The following AARSD1 variants were observed in gnomAD, a reference collection of about 807,000 sequenced individuals.
AARSD1 encodes alanyl-tRNA editing protein Aarsd1.
Under a neutral mutation model 48.7 loss-of-function variants are expected in AARSD1, and 44 were observed. The ratio of observed to expected loss-of-function variants is 0.90; its 90% CI spans 0.71 to 1.16. AARSD1 has a LOEUF of 1.16. Ranked by LOEUF, AARSD1 falls within the 50% of genes most tolerant of loss-of-function variation. The pLI, the probability that AARSD1 is intolerant of heterozygous loss-of-function variation, is 0.00. For synonymous variants in AARSD1, 189 were observed against 194.9 expected (o/e 0.97, Z 0.25); for missense variants, 511 against 523.1 (o/e 0.98, Z 0.23).
chr17:42,958,931 G>A (rs915804397), intron 3 of AARSD1, among the ~76,000 whole-genome samples: 2 of 150,166 alleles, frequency 1.3e-5, no homozygotes, highest in African/African-American at 2.4e-5. Flanking sequence ...AGGTGCGGTG[G>A]CTCAAGCCTG....
At chr17:42,961,437 C>T in intron 2 of AARSD1, 86 bp from the exon 3 acceptor site, 1 of 1,584,920 alleles carries the variant, frequency 6.3e-7, no homozygotes, top group Non-Finnish European at 8.5e-7. Flanking sequence ...GTGAGAGACC[C>T]AGAATCTGGG....
Position 42,958,923 on chromosome 17 carries a change from G to T in AARSD1, c.332-1728C>A, listed in dbSNP as rs959884744. ...TTTAACTTATATTTATTTATGCCAG[G>T]TGCGGTGGCTCAAGCCTGTAATCCC... On this transcript the variant is annotated intron_variant, in intron 3 of 11. Transcript: ENST00000427569. Among the ~76,000 whole-genome samples, 9 of 150,708 alleles carry T rather than the reference G, an allele frequency of 6.0e-5. No homozygotes were observed. The East Asian group carries it at 1.9e-3, about 31-fold the overall frequency.
chr17:42,956,124 CCT>C (rs1269217263), intron 6 of AARSD1, 78 bp downstream of exon 6: 4 of 1,610,978 alleles, frequency 2.5e-6, no homozygotes, highest in African/African-American at 1.3e-5. Context: ...CGATTATCCC[CCT>C]CTCCCACTCC....
chr17:42,954,819 C>CTATATGCAATGT (rs1314317666), intron 9 of AARSD1, 57 bp downstream of exon 9: 43 of 1,585,156 alleles, frequency 2.7e-5, no homozygotes, highest in Non-Finnish European at 3.4e-5. Context: ...AGAGAAGACA[C>CTATATGCAATGT]TGAGCCCTAA....
chr17:42,956,415 C>T lies in AARSD1; in HGVS notation c.535G>A (p.Glu179Lys), dbSNP rs200113939. ...GGCTCTACCCTTACCTGCTCCACCT[C>T]AGGATCATCCAGGCTCAGTTCTCGG... is the stretch of plus-strand genomic sequence containing the variant. ...NVRELSLDDP[E>K]VEQVSGRGLP... The change falls in exon 5 of 12, where the codon GAG becomes AAG. Residue 179 changes from glutamate to lysine, a missense_variant. Coordinates refer to ENST00000427569, the MANE Select transcript of AARSD1 (RefSeq NM_001261434.2). 30 of 1,614,100 alleles carry T rather than the reference C, an allele frequency of 1.9e-5. No individual in the cohort carries two copies. Among genetic ancestry groups the T allele is most frequent in the Non-Finnish European group, 2.4e-5 (28 of 1,180,018 alleles).
chr17:42,962,773 T>A (rs1457280956), intron 2 of AARSD1, among the ~76,000 whole-genome samples: 1 of 152,212 alleles, frequency 6.6e-6, no homozygotes, highest in Non-Finnish European at 1.5e-5. Context: ...GGCTCACACC[T>A]GTAGGCCCAG....
In AARSD1 at chr17:42,951,885, G is replaced by A. The variant is rs760431093; in HGVS notation, c.1018C>T (p.Leu340=). Residue 340 remains leucine, a synonymous_variant, in exon 11 of 12, where the codon CTG becomes TTG. Transcript: ENST00000427569. ...TTCTCATCGCCCACAGTTAAGAACA[G>A]GAGGGTCTCCTAGGAGGTAAGACAA... is the stretch of plus-strand genomic sequence containing the variant. ...ANEIGSEETL[L]FLTVGDEKGG... 7.4e-6 allele frequency: 12 copies of A among 1,613,620 alleles called. No homozygotes were observed. The highest frequency in any genetic ancestry group is 1.0e-5 in the Non-Finnish European group (12 of 1,179,692).
At chr17:42,953,943 T>C in intron 9 of AARSD1, 165 bp from the exon 10 acceptor site, 1 of 782,794 alleles carries the variant, frequency 1.3e-6, no homozygotes, top group Non-Finnish European at 2.1e-6. Context: ...CAAGCTGCCC[T>C]TCTCAGCCTC....
At chr17:42,963,449 T>G (rs1191838104) in intron 2 of AARSD1, among the ~76,000 whole-genome samples, 1 of 151,698 alleles carries the variant, frequency 6.6e-6, no homozygotes, top group Non-Finnish European at 1.5e-5. Flanking sequence ...AGAAAAGCCT[T>G]TCTCATAATG....
At position 42,964,248 on chromosome 17, in the gene AARSD1, A is replaced by G. The variant is rs779156060; in HGVS notation, c.40-11T>C. 5.6e-6 allele frequency: 9 copies of G among 1,601,888 alleles called. No homozygotes were observed. Among genetic ancestry groups the G allele is most frequent in the Admixed American group, 5.2e-5 (3 of 57,774 alleles). The stretch of plus-strand genomic sequence containing the variant: ...CACGGTGGTGGTGAACTGAACAGAG[A>G]GGAATGAGAGAATAAGCCCCGACCC... On this transcript the variant is annotated splice_polypyrimidine_tract_variant and intron_variant, in intron 1 of 11. Coordinates refer to ENST00000427569, the MANE Select transcript of AARSD1 (RefSeq NM_001261434.2).
At chr17:42,955,778 G>C (rs972475001) in intron 7 of AARSD1, 64 bp downstream of exon 7, 1 of 1,605,754 alleles carries the variant, frequency 6.2e-7, no homozygotes, top group African/African-American at 1.3e-5. Flanking sequence ...ATCTCCCAGA[G>C]GTAAGAGATT....
At chr17:42,954,304 C>T (rs1226463968) in intron 9 of AARSD1, among the ~76,000 whole-genome samples, 1 of 151,810 alleles carries the variant, frequency 6.6e-6, no homozygotes, top group Admixed American at 6.6e-5. Context: ...TACACTGAGC[C>T]GAGATCATGC....
intron 10 of AARSD1, among the ~76,000 whole-genome samples, chr17:42,952,823 T>C (rs2049497470): frequency 6.6e-6 from 1 of 151,134 alleles, no homozygotes; most frequent in South Asian, 2.1e-4. Flanking sequence ...TATTTACTTT[T>C]TTTTTTTTTT....
In AARSD1 at chr17:42,964,247, G is replaced by C; in HGVS notation, c.40-10C>G. 2 of 1,603,184 alleles carry C rather than the reference G, an allele frequency of 1.2e-6. No individual in the cohort carries two copies. The highest frequency in any genetic ancestry group is 1.4e-5 in the African/African-American group (1 of 70,848). ...CCACGGTGGTGGTGAACTGAACAGA[G>C]AGGAATGAGAGAATAAGCCCCGACC... On this transcript the variant is annotated splice_polypyrimidine_tract_variant and intron_variant, in intron 1 of 11. Coordinates refer to ENST00000427569, the MANE Select transcript of AARSD1 (RefSeq NM_001261434.2).
At chr17:42,954,798 A>G (rs2049524270) in intron 9 of AARSD1, 78 bp downstream of exon 9, 1 of 1,460,492 alleles carries the variant, frequency 6.8e-7, no homozygotes, top group Admixed American at 1.7e-5. Flanking sequence ...CTCCCACTGT[A>G]CATTGCATAT....
At chr17:42,955,136 T>C (rs1162699049) in intron 8 of AARSD1, 22 bp downstream of exon 8, 3 of 1,614,026 alleles carry the variant, frequency 1.9e-6, no homozygotes, top group South Asian at 1.1e-5. Flanking sequence ...ATGCCCTCTC[T>C]ACCCTCCATG....
intron 3 of AARSD1, among the ~76,000 whole-genome samples, chr17:42,958,125 A>G (rs1597715889): frequency 6.6e-6 from 1 of 152,204 alleles, no homozygotes; most frequent in East Asian, 1.9e-4. Flanking sequence ...ATGCCATGGT[A>G]AAAAGTTTGG....
Position 42,959,073 on chromosome 17 carries a change from C to T in AARSD1, c.332-1878G>A, listed in dbSNP as rs1161748494. Among the ~76,000 whole-genome samples, 8 of 145,858 alleles carry T rather than the reference C, an allele frequency of 5.5e-5. No homozygotes were observed. In the East Asian group the frequency reaches 6.7e-4, roughly 12 times the overall value. On this transcript the variant is annotated intron_variant, in intron 3 of 11. Transcript: ENST00000427569. The stretch of plus-strand genomic sequence containing the variant: ...TTAGCCGGATGTGGTGGTGCGTGCC[C>T]GTAATCCCAGCTACTCAGGAGGCTG...
Position 42,951,622 on chromosome 17 carries a change from C to T in AARSD1, c.1103+178G>A, listed in dbSNP as rs540385598. ...CATGTGAGATGTGGAGCCAAAAGAC[C>T]TTCAACTGTCAAACTGGAAATGACA... On this transcript the variant is annotated intron_variant, in intron 11 of 11. Coordinates refer to ENST00000427569, the MANE Select transcript of AARSD1 (RefSeq NM_001261434.2). Among the ~76,000 whole-genome samples, 7 of 152,284 alleles carry T rather than the reference C, an allele frequency of 4.6e-5. No individual in the cohort carries two copies. The East Asian group carries it at 1.2e-3, about 25-fold the overall frequency.
Sources: gnomAD v4.1 joint callset for allele counts (sites outside exome capture counted in the v4.1 genomes callset) on GRCh38, gnomAD v4.1.1 for gene constraint, MANE v1.5 for transcripts, NCBI Gene and HGNC (gene_info 2026-07-23, HGNC 2026-07-21) for gene names.